The following ZSCAN20 variants were observed in gnomAD, a reference collection of about 807,000 sequenced individuals.
ZSCAN20 encodes the protein zinc finger and SCAN domain containing 20.
In ZSCAN20, 39 loss-of-function variants were observed where a neutral mutation model predicts 97.1. The observed-to-expected ratio is 0.40, with a 90% CI of 0.31 to 0.52. The LOEUF (loss-of-function observed/expected upper bound fraction) is 0.52, where lower values mean the gene tolerates loss of function less well. Ranked by LOEUF, ZSCAN20 falls within the 20% of genes least tolerant of loss-of-function variation. The probability of loss-of-function intolerance (pLI) is 0.49; values close to 1 mark genes in which losing one functional copy is unlikely to be tolerated. For synonymous variants in ZSCAN20, 456 were observed against 467.3 expected (o/e 0.98, Z 0.31); for missense variants, 1,115 against 1,290.4 (o/e 0.86, Z 2.08).
At position 33,497,034 on chromosome 1, in the gene ZSCAN20, TATGACAC is replaced by T. The variant is rs1301973166; in HGVS notation, c.*1559_*1565del. Reference sequence around the variant, plus strand: ...GAAAATCCCCCTCCTGCCATCCTCTTATGACACTAGGATGTATTCATAACCTGCTTGG... The same window carrying T: ...GAAAATCCCCCTCCTGCCATCCTCTTTAGGATGTATTCATAACCTGCTTGG... On this transcript the variant is annotated 3_prime_UTR_variant, in exon 8 of 8. Coordinates refer to ENST00000684572, the MANE Select transcript of ZSCAN20 (RefSeq NM_001377376.1). Among the ~76,000 whole-genome samples, 2 of 152,228 alleles carry T rather than the reference TATGACAC, an allele frequency of 1.3e-5. No homozygotes were observed. Among genetic ancestry groups the T allele is most frequent in the Admixed American group, 6.5e-5 (1 of 15,288 alleles).
chr1:33,478,050 T>G (rs994148888), intron 1 of ZSCAN20, among the ~76,000 whole-genome samples: 2 of 152,076 alleles, frequency 1.3e-5, no homozygotes, highest in Non-Finnish European at 2.9e-5. Flanking sequence ...AAGCTGTGCT[T>G]CTGGAGCACC....
intron 2 of ZSCAN20, among the ~76,000 whole-genome samples, chr1:33,486,537 C>T (rs1016707828): frequency 6.6e-6 from 1 of 152,228 alleles, no homozygotes; most frequent in Non-Finnish European, 1.5e-5. Flanking sequence ...AGAGGGGCAA[C>T]TTGTAGACTA....
rs1306785780 is a variant in ZSCAN20 at position 33,491,455 on chromosome 1, C to T, written c.1197C>T (p.Cys399=). ...AGAGCAGCCACCCACCAGGTACCTG[C>T]CCCTTCTATGAGGAGCTGGAGGCCC... is the stretch of plus-strand genomic sequence containing the variant. ...KAKSSHPPGT[C]PFYEELEALV... is the part of the protein sequence containing the mutation. The change falls in exon 6 of 8, where the codon TGC becomes TGT. Residue 399 remains cysteine, a synonymous_variant. Coordinates refer to ENST00000684572, the MANE Select transcript of ZSCAN20 (RefSeq NM_001377376.1). The surrounding 1 kb of genome is among the most constrained non-coding windows in gnomAD (Gnocchi z 4.3). 1 of 1,614,178 alleles carries T rather than the reference C, an allele frequency of 6.2e-7. No individual in the cohort carries two copies. Among genetic ancestry groups the T allele is most frequent in the South Asian group, 1.1e-5 (1 of 91,082 alleles).
chr1:33,482,791 G>C (rs1439627126), intron 2 of ZSCAN20, among the ~76,000 whole-genome samples: 5 of 152,052 alleles, frequency 3.3e-5, no homozygotes, highest in Non-Finnish European at 4.4e-5. Flanking sequence ...ATTGTTGTTC[G>C]AATTTGCAAT....
rs1235518330 is a variant in ZSCAN20 at position 33,491,865 on chromosome 1, T to A, written c.1444+163T>A. 4.7e-6 allele frequency: 3 copies of A among 634,316 alleles called. No homozygotes were observed. The highest frequency in any genetic ancestry group is 4.9e-6 in the Non-Finnish European group (2 of 409,684). 39.3% of individuals were successfully genotyped at this position (634,316 alleles called of 1,614,324 possible). On this transcript the variant is annotated intron_variant, in intron 6 of 7. Transcript: ENST00000684572. The surrounding 1 kb of genome is among the most constrained non-coding windows in gnomAD (Gnocchi z 4.3). ...CTCAAACTCCAACTTTCTTTTCCCA[T>A]GACCAAGTCTCTTTGCAAAAGTCTT... is the stretch of plus-strand genomic sequence containing the variant.
rs1318818039 is a variant in ZSCAN20, at chr1:33,488,577, G to T, written c.530G>T (p.Gly177Val). 2.5e-6 allele frequency: 4 copies of T among 1,613,090 alleles called. No homozygotes were observed. In the African/African-American group the frequency reaches 5.3e-5, roughly 22 times the overall value. ...PWPEGQSQKKGVKNTCPDLPN... is the reference protein window; with the variant it reads ...PWPEGQSQKKVVKNTCPDLPN... ...CCTGAGGGACAGTCCCAGAAGAAGG[G>T]GGTGAAGAATACATGCCCTGACCTT... The change falls in exon 3 of 8, where the codon GGG becomes GTG. Residue 177 changes from glycine to valine, a missense_variant. Physicochemically the swap from Gly to Val is moderately radical, Grantham distance 109 (BLOSUM62 -3). Around this residue, in one of 3 missense-constraint regions of ZSCAN20, gnomAD observed 508 missense variants for 611.2 expected, o/e 0.83. Transcript: ENST00000684572.
intron 5 of ZSCAN20, among the ~76,000 whole-genome samples, chr1:33,490,650 AACACAC>A (rs372552175): frequency 1.3e-4 from 18 of 141,102 alleles, no homozygotes; most frequent in African/African-American, 4.8e-4. Context: ...TACACACACA[AACACAC>A]ACACACACAC....
intron 1 of ZSCAN20, among the ~76,000 whole-genome samples, chr1:33,478,024 G>A (rs371650928): frequency 5.9e-5 from 9 of 152,138 alleles, no homozygotes; most frequent in African/African-American, 2.2e-4. Context: ...AGAGGGCAGC[G>A]TGGTGTAAGA....
chr1:33,489,814 C>T (rs1416632869), intron 5 of ZSCAN20, among the ~76,000 whole-genome samples: 1 of 152,154 alleles, frequency 6.6e-6, no homozygotes, highest in African/African-American at 2.4e-5. Context: ...CAAGAGCCTG[C>T]CCTCTCTGGG....
At position 33,493,507 on chromosome 1, in the gene ZSCAN20, A is replaced by G; in HGVS notation, c.1765A>G (p.Arg589Gly). The stretch of plus-strand genomic sequence containing the variant: ...TGTCCGAGAGGCTGCAGGTCTCCCT[A>G]GGTGTGGGCAGAGTAGTGCTGAGAC... The part of the protein sequence containing the change: ...GTVREAAGLP[R>G]CGQSSAETDA... The change falls in exon 7 of 8, where the codon AGG becomes GGG. Residue 589 changes from arginine to glycine, a missense_variant. Physicochemically the swap from Arg to Gly is moderately radical, Grantham distance 125 (BLOSUM62 -2). Transcript: ENST00000684572. This position sits in a 1 kb window ranked among gnomAD's most constrained non-coding sequence, Gnocchi z 4.3. 1 of 1,614,088 alleles carries G rather than the reference A, an allele frequency of 6.2e-7. No homozygotes were observed. Among genetic ancestry groups the G allele is most frequent in the Non-Finnish European group, 8.5e-7 (1 of 1,179,982 alleles).
chr1:33,485,482 T>C (rs1272603580), intron 2 of ZSCAN20, among the ~76,000 whole-genome samples: 1 of 152,032 alleles, frequency 6.6e-6, no homozygotes, highest in Non-Finnish European at 1.5e-5. Context: ...GGACCTTGGC[T>C]CACTGCACCC....
intron 2 of ZSCAN20, among the ~76,000 whole-genome samples, chr1:33,484,195 C>T (rs138790705): frequency 2.6e-5 from 4 of 152,180 alleles, no homozygotes; most frequent in African/African-American, 9.6e-5. Context: ...CTTTTGTTTC[C>T]TTTCTTATCT....
At chr1:33,481,321 C>G (rs547687326) in intron 2 of ZSCAN20, among the ~76,000 whole-genome samples, 1 of 152,236 alleles carries the variant, frequency 6.6e-6, no homozygotes, top group East Asian at 1.9e-4. Flanking sequence ...GGATTTAAAT[C>G]AAGGTCTTTA....
At position 33,495,332 on chromosome 1, in the gene ZSCAN20, T is replaced by G; in HGVS notation, c.2988T>G (p.Phe996Leu). Residue 996 changes from phenylalanine (F) to leucine (L), a missense_variant, in exon 8 of 8, where the codon TTT (phenylalanine) becomes TTG (leucine). By Grantham distance (22) the Phe-to-Leu change is conservative (BLOSUM62 0). Around this residue, in one of 3 missense-constraint regions of ZSCAN20, gnomAD observed 554 missense variants for 584.9 expected, o/e 0.95. Transcript: ENST00000684572. Reference protein sequence around the residue: ...PYKCRECGKCFNQSSSLIIHQ... With the variant: ...PYKCRECGKCLNQSSSLIIHQ... ...AGTGCAGAGAGTGTGGGAAATGCTT[T>G]AACCAGAGCTCCAGTCTTATTATTC... 4 of 1,613,420 alleles carry G rather than the reference T, an allele frequency of 2.5e-6. No homozygotes were observed. Among genetic ancestry groups the G allele is most frequent in the Non-Finnish European group, 3.4e-6 (4 of 1,179,618 alleles).
In ZSCAN20 at chr1:33,493,003, G is replaced by A. The variant is rs1652685826; in HGVS notation, c.1445-184G>A. On this transcript the variant is annotated intron_variant, in intron 6 of 7. Coordinates refer to ENST00000684572, the MANE Select transcript of ZSCAN20 (RefSeq NM_001377376.1). This position sits in a 1 kb window ranked among gnomAD's most constrained non-coding sequence, Gnocchi z 4.3. ...ATAGAATCTCTTAGAAGAGGGTGAGGGTGGGAAGCTCTGGCTGGCTGTCCT... is the reference window on the plus strand; with the variant it reads ...ATAGAATCTCTTAGAAGAGGGTGAGAGTGGGAAGCTCTGGCTGGCTGTCCT... Among the ~76,000 whole-genome samples the A allele has an allele frequency of 6.6e-6, 1 of 152,130 alleles. No homozygotes were observed. Among genetic ancestry groups the A allele is most frequent in the Non-Finnish European group, 1.5e-5 (1 of 68,028 alleles).
chr1:33,494,541 A>G lies in ZSCAN20; in HGVS notation c.2197A>G (p.Thr733Ala). Residue 733 changes from threonine to alanine, a missense_variant, in exon 8 of 8, where the codon ACA (threonine) becomes GCA (alanine). By Grantham distance (58) the Thr-to-Ala change is moderately conservative. Transcript: ENST00000684572. ...SHFIAHQRIHTGEKPYKCLEC... is the reference protein window; with the variant it reads ...SHFIAHQRIHAGEKPYKCLEC... ...CTTCATTGCCCATCAGCGAATCCAC[A>G]CAGGTGAGAAGCCCTACAAATGCCT... is the stretch of plus-strand genomic sequence containing the variant. 1 of 1,614,206 alleles carries G rather than the reference A, an allele frequency of 6.2e-7. No homozygotes were observed. Among genetic ancestry groups the G allele is most frequent in the Non-Finnish European group, 8.5e-7 (1 of 1,180,040 alleles).
chr1:33,497,130 T>C lies in ZSCAN20; in HGVS notation c.*1654T>C, dbSNP rs926402550. Among the ~76,000 whole-genome samples the C allele has an allele frequency of 2.8e-4, 42 of 152,164 alleles. No individual in the cohort carries two copies. The highest frequency in any genetic ancestry group is 8.7e-4 in the African/African-American group (36 of 41,426). ...GAAGCAGCCTTGAAGAATGGAACTT[T>C]TATTAACATGTGAGGAAGCCAGTGG... On this transcript the variant is annotated 3_prime_UTR_variant, in exon 8 of 8. Coordinates refer to ENST00000684572, the MANE Select transcript of ZSCAN20 (RefSeq NM_001377376.1).
At position 33,479,514 on chromosome 1, in the gene ZSCAN20, T is replaced by G; in HGVS notation, c.226T>G (p.Cys76Gly). The G allele has an allele frequency of 2.5e-6, 4 of 1,613,256 alleles. No individual in the cohort carries two copies. The highest frequency in any genetic ancestry group is 3.4e-6 in the Non-Finnish European group (4 of 1,179,446). ...GGCCTTCAGCCAGCTCTGGGCTCTC[T>G]GCTGTCGTTGGCTGAGGCCGGAGAT... ...HEAFSQLWAL[C>G]CRWLRPEIRL... The change falls in exon 2 of 8, where the codon TGC becomes GGC. Residue 76 changes from cysteine (C) to glycine (G), a missense_variant. Cys to Gly is a radical substitution (Grantham distance 159). This residue lies in a region of ZSCAN20 where 508 missense variants were observed against 611.2 expected (regional missense o/e 0.83). Coordinates refer to ENST00000684572, the MANE Select transcript of ZSCAN20 (RefSeq NM_001377376.1).
rs1200728974 is a variant in ZSCAN20 at position 33,499,858 on chromosome 1, A to C, written c.*4382A>C. On this transcript the variant is annotated 3_prime_UTR_variant, in exon 8 of 8. Transcript: ENST00000684572. ...GCGATCCTCCCACCTCAGCCTCCCA[A>C]AGCTCCCCTTAACCTCAGTTTTGAT... 6.6e-6 allele frequency among the ~76,000 whole-genome samples: 1 copy of C among 151,892 alleles called. No homozygotes were observed. Among genetic ancestry groups the C allele is most frequent in the African/African-American group, 2.4e-5 (1 of 41,294 alleles).
Sources: gnomAD v4.1 joint callset for allele counts (sites outside exome capture counted in the v4.1 genomes callset) on GRCh38, gnomAD v4.1.1 for gene constraint, gnomAD v4.1.1 regional missense constraint, Gnocchi (gnomAD v3.1) non-coding constraint, MANE v1.5 for transcripts, NCBI Gene and HGNC (gene_info 2026-07-23, HGNC 2026-07-21) for gene names.